ZNF562: variants seen among roughly 807,000 people sequenced by gnomAD.
ZNF562 encodes the protein zinc finger protein 562.
ZNF562 carries 13 observed loss-of-function variants against 17.5 expected under a neutral mutation model. That is an observed-to-expected ratio of 0.74 (90% CI 0.48 to 1.18). The LOEUF (loss-of-function observed/expected upper bound fraction) is 1.18, where lower values mean the gene tolerates loss of function less well. ZNF562 is among the 50% of genes most tolerant of loss of function. The pLI, the probability that ZNF562 is intolerant of heterozygous loss-of-function variation, is 0.00. For missense variants in ZNF562, 481 were observed against 498.5 expected, an observed-to-expected ratio of 0.96 and a Z score of 0.33; for synonymous variants, 163 against 165.4, an observed-to-expected ratio of 0.99 and a Z score of 0.11.
intron 4 of ZNF562, 143 bp downstream of exon 4, chr19:9,657,864 ATT>A: frequency 1.7e-6 from 2 of 1,150,742 alleles, no homozygotes; most frequent in Non-Finnish European, 2.3e-6. Context: ...TATTCTTAGG[ATT>A]TTTTTTTAGA....
In ZNF562 at chr19:9,652,434, G is replaced by A. The variant is rs1047443929; in HGVS notation, c.*515C>T. On this transcript the variant is annotated 3_prime_UTR_variant, in exon 6 of 6. Transcript: ENST00000453372. ...GCTTCTGGTAAATTTTGACATGAAT[G>A]TGCCACACTGGCAGCCACTAACCAA... 2.6e-5 allele frequency: 4 copies of A among 152,312 alleles called. No individual in the cohort carries two copies. The highest frequency in any genetic ancestry group is 2.6e-4 in the Admixed American group (4 of 15,260). 9.4% of individuals were successfully genotyped at this position (152,312 alleles called of 1,614,324 possible).
At chr19:9,657,551 CTTT>C (rs112714600) in intron 4 of ZNF562, among the ~76,000 whole-genome samples, 1 of 142,328 alleles carries the variant, frequency 7.0e-6, no homozygotes, top group African/African-American at 2.6e-5. Flanking sequence ...CTTTAAAAAT[CTTT>C]TTTTTTTTTT....
Position 9,653,992 on chromosome 19 carries a change from A to ATTT in ZNF562, c.349-114_349-112dup, listed in dbSNP as rs57141679. On this transcript the variant is annotated intron_variant, in intron 5 of 5. Transcript: ENST00000453372. ...CAATTATTTTACTTTTTAATGTTTA[A>ATTT]TTTTTTTTTTTTTTTTGAGACAGAG... The ATTT allele has an allele frequency of 2.7e-3, 2,703 of 1,005,452 alleles. 27 individuals are homozygous for ATTT. The African/African-American group carries it at 0.031, about 11-fold the overall frequency. The allele number at this position is 1,005,452 out of a possible 1,614,324, so 62.3% of individuals were successfully genotyped here.
chr19:9,674,174 A>G (rs2044312656), intron 1 of ZNF562, among the ~76,000 whole-genome samples: 1 of 152,156 alleles, frequency 6.6e-6, no homozygotes, highest in East Asian at 1.9e-4. Flanking sequence ...AAAGAGAGTG[A>G]CAGGGTGAGT....
At chr19:9,656,454 A>G (rs1248136860) in intron 5 of ZNF562, 93 bp downstream of exon 5, 16 of 1,393,274 alleles carry the variant, frequency 1.1e-5, no homozygotes, top group Non-Finnish European at 1.6e-5. Context: ...GGTTGCGGTG[A>G]GCTGAGATGG....
At chr19:9,669,234 T>C (rs942885063) in intron 1 of ZNF562, among the ~76,000 whole-genome samples, 6 of 151,938 alleles carry the variant, frequency 3.9e-5, no homozygotes, top group Non-Finnish European at 7.4e-5. Context: ...ATAATCAGAA[T>C]ATATAAGGAA....
rs1219862356 is a variant in ZNF562, at chr19:9,648,484, G to C, written c.*4465C>G. 2 of 151,892 alleles carry C rather than the reference G, an allele frequency of 1.3e-5. No individual in the cohort carries two copies. Among genetic ancestry groups the C allele is most frequent in the Admixed American group, 6.6e-5 (1 of 15,236 alleles). 9.4% of individuals were successfully genotyped at this position (151,892 alleles called of 1,614,324 possible). A position where few individuals can be genotyped will look rare whatever the true frequency, so the allele number is the denominator to read the frequency against. On this transcript the variant is annotated 3_prime_UTR_variant, in exon 6 of 6. Coordinates refer to ENST00000453372, the MANE Select transcript of ZNF562 (RefSeq NM_001130031.2). ...CACCCAGCTAATTTTTGTATTGTTA[G>C]TAGAGATGGGGTTTCACCATGTTGG...
chr19:9,657,942 C>G, intron 4 of ZNF562, 67 bp downstream of exon 4: 2 of 1,532,516 alleles, frequency 1.3e-6, no homozygotes, highest in Non-Finnish European at 1.8e-6. Flanking sequence ...TCTCCCACCT[C>G]AGCCTCCCAA....
At position 9,646,253 on chromosome 19, in the gene ZNF562, T is replaced by C. The variant is rs1438641236; in HGVS notation, c.*6696A>G. ...GGCACAGCTAATTTTGTATTTTTAG[T>C]AGAGATGGGGTTTCTCAGTGTTGGT... On this transcript the variant is annotated 3_prime_UTR_variant, in exon 6 of 6. Coordinates refer to ENST00000453372, the MANE Select transcript of ZNF562 (RefSeq NM_001130031.2). The C allele has an allele frequency of 6.6e-6, 1 of 151,998 alleles. No homozygotes were observed. The highest frequency in any genetic ancestry group is 1.5e-5 in the Non-Finnish European group (1 of 68,010). 9.4% of individuals were successfully genotyped at this position (151,998 alleles called of 1,614,324 possible). A position where few individuals can be genotyped will look rare whatever the true frequency, so the allele number is the denominator to read the frequency against.
At position 9,645,437 on chromosome 19, in the gene ZNF562, G is replaced by A. The variant is rs1040035239; in HGVS notation, c.*7512C>T. 1.3e-5 allele frequency: 2 copies of A among 152,204 alleles called. No individual in the cohort carries two copies. Among genetic ancestry groups the A allele is most frequent in the African/African-American group, 4.8e-5 (2 of 41,462 alleles). 9.4% of individuals were successfully genotyped at this position (152,204 alleles called of 1,614,324 possible). A position where few individuals can be genotyped will look rare whatever the true frequency, so the allele number is the denominator to read the frequency against. On this transcript the variant is annotated 3_prime_UTR_variant, in exon 6 of 6. Coordinates refer to ENST00000453372, the MANE Select transcript of ZNF562 (RefSeq NM_001130031.2). The stretch of plus-strand genomic sequence containing the variant: ...CACAGTTTATTGGCTTGTGGGCAAA[G>A]GGGTATGTGTATCAGTTGGCCTTTA...
intron 1 of ZNF562, among the ~76,000 whole-genome samples, chr19:9,669,705 TGCACGCGCGCGAGCGCGCGC>T (rs1352078487): frequency 1.4e-3 from 146 of 103,030 alleles, no homozygotes; most frequent in Middle Eastern, 4.7e-3. Context: ...CCTGTCTGCA[TGCACGCGCGCGAGCGCGCGC>T]GCGCGCGCGC....
chr19:9,657,730 G>A (rs1178169373), intron 4 of ZNF562, among the ~76,000 whole-genome samples: 3 of 151,592 alleles, frequency 2.0e-5, no homozygotes, highest in African/African-American at 7.3e-5. Flanking sequence ...TGCATTTTTA[G>A]TAGAGACAGG....
At chr19:9,657,422 C>T (rs1307669320) in intron 4 of ZNF562, among the ~76,000 whole-genome samples, 1 of 148,912 alleles carries the variant, frequency 6.7e-6, no homozygotes, top group Admixed American at 6.7e-5. Context: ...AAACCAAAAG[C>T]AAAACAAACA....
intron 1 of ZNF562, among the ~76,000 whole-genome samples, chr19:9,674,309 G>A (rs1175574363): frequency 6.6e-6 from 1 of 152,104 alleles, no homozygotes; most frequent in African/African-American, 2.4e-5. Flanking sequence ...AATGAGTCAG[G>A]GTGGAGCAGG....
At chr19:9,654,147 C>T (rs1428585799) in intron 5 of ZNF562, among the ~76,000 whole-genome samples, 5 of 152,012 alleles carry the variant, frequency 3.3e-5, no homozygotes, top group Admixed American at 1.3e-4. Flanking sequence ...TGCACTACTG[C>T]ACTGGGGAGT....
rs2074804752 is a variant in ZNF562, at chr19:9,646,105, C to T, written c.*6844G>A. 1 of 141,990 alleles carries T rather than the reference C, an allele frequency of 7.0e-6. No homozygotes were observed. 8.8% of individuals were successfully genotyped at this position (141,990 alleles called of 1,614,324 possible). A position where few individuals can be genotyped will look rare whatever the true frequency, so the allele number is the denominator to read the frequency against. On this transcript the variant is annotated 3_prime_UTR_variant, in exon 6 of 6. Transcript: ENST00000453372. ...TTTTTTTTTGTGACAGAGTTTCACTCTTGTTGCCCAGGCTGCAGTGCAATG... is the reference window on the plus strand; with the variant it reads ...TTTTTTTTTGTGACAGAGTTTCACTTTTGTTGCCCAGGCTGCAGTGCAATG...
intron 1 of ZNF562, among the ~76,000 whole-genome samples, chr19:9,674,106 C>T (rs915767596): frequency 9.2e-5 from 14 of 152,208 alleles, no homozygotes; most frequent in African/African-American, 2.9e-4. Flanking sequence ...CCGCTTTGTC[C>T]TTCCCCGATG....
chr19:9,660,930 G>A, intron 1 of ZNF562, 56 bp from the exon 2 acceptor site: 1 of 502,684 alleles, frequency 2.0e-6, no homozygotes, highest in East Asian at 3.1e-5. Flanking sequence ...TGAACATTAT[G>A]CATGAGCTTT....
At chr19:9,667,590 G>T (rs1392866223) in intron 1 of ZNF562, among the ~76,000 whole-genome samples, 1 of 152,122 alleles carries the variant, frequency 6.6e-6, no homozygotes, top group African/African-American at 2.4e-5. Flanking sequence ...GTTTGCCAAT[G>T]ACATGACCTT....
Sources: gnomAD v4.1 joint callset for allele counts (sites outside exome capture counted in the v4.1 genomes callset) on GRCh38, gnomAD v4.1.1 for gene constraint, MANE v1.5 for transcripts, NCBI Gene and HGNC (gene_info 2026-07-23, HGNC 2026-07-21) for gene names.